Variants in GPC6 observed in about 807,000 individuals in gnomAD.
GPC6 encodes the protein glypican 6.
GPC6 carries 14 observed loss-of-function variants against 55.2 expected under a neutral mutation model. That is an observed-to-expected ratio of 0.25 (90% confidence interval 0.17 to 0.40). GPC6 has a LOEUF of 0.40. Among genes scored for constraint, GPC6 ranks in the 10% least tolerant of loss-of-function variants. The pLI, the probability that GPC6 is intolerant of heterozygous loss-of-function variation, is 1.00. For missense variants in GPC6, 641 were observed against 708.5 expected, an observed-to-expected ratio of 0.90 and a Z score of 1.08; for synonymous variants, 278 against 259.6, an observed-to-expected ratio of 1.07 and a Z score of -0.68.
chr13:93,661,155 A>T (rs930097358), intron 2 of GPC6, among the ~76,000 whole-genome samples: 1 of 152,034 alleles, frequency 6.6e-6, no homozygotes, highest in African/African-American at 2.4e-5. Context: ...TAATAGTGAC[A>T]AGTGTTCTGC....
intron 1 of GPC6, among the ~76,000 whole-genome samples, chr13:93,293,063 G>A (rs1308756770): frequency 6.6e-6 from 1 of 151,918 alleles, no homozygotes; most frequent in Non-Finnish European, 1.5e-5. Context: ...TCATGGCTCA[G>A]CCTTGACCTC....
At chr13:94,359,139 TC>T (rs1669657624) in intron 6 of GPC6, among the ~76,000 whole-genome samples, 1 of 152,194 alleles carries the variant, frequency 6.6e-6, no homozygotes, top group African/African-American at 2.4e-5. Flanking sequence ...TGAGAAACCC[TC>T]TTACCTTTTT....
intron 2 of GPC6, among the ~76,000 whole-genome samples, chr13:93,693,439 ATGTGTGTGTGTGTATGTATATCTGTGTG>A (rs1372073677): frequency 6.7e-6 from 1 of 149,222 alleles, no homozygotes; most frequent in African/African-American, 2.5e-5. Context: ...ATGGAGATAT[ATGTGTGTGTGTGTATGTATATCTGTGTG>A]TGTGTGTGTG....
chr13:93,290,572 A>G (rs1878285816), intron 1 of GPC6, among the ~76,000 whole-genome samples: 1 of 152,162 alleles, frequency 6.6e-6, no homozygotes, highest in Non-Finnish European at 1.5e-5. Context: ...TTTTCAAAGC[A>G]ACATAGATTA....
At chr13:93,544,415 G>C (rs1384312221) in intron 1 of GPC6, among the ~76,000 whole-genome samples, 2 of 152,126 alleles carry the variant, frequency 1.3e-5, no homozygotes, top group African/African-American at 4.8e-5. Flanking sequence ...CAATTTGTTG[G>C]TTTTATTTAG....
chr13:93,239,344 C>G lies in GPC6; in HGVS notation c.160+11728C>G, dbSNP rs1287999387. On this transcript the variant is annotated intron_variant, in intron 1 of 8. Transcript: ENST00000377047. Reference sequence around the variant, plus strand: ...GTTTCCAGAAATTTATTCATTTACTCTAGATTTTCTAGTTTGTGTGCTTAG... The same window carrying G: ...GTTTCCAGAAATTTATTCATTTACTGTAGATTTTCTAGTTTGTGTGCTTAG... Among the ~76,000 whole-genome samples the G allele has an allele frequency of 2.0e-5, 3 of 151,904 alleles. No homozygotes were observed. In the East Asian group the frequency reaches 5.9e-4, roughly 30 times the overall value.
intron 4 of GPC6, among the ~76,000 whole-genome samples, chr13:94,179,031 T>A (rs904475401): frequency 6.6e-6 from 1 of 152,218 alleles, no homozygotes; most frequent in Non-Finnish European, 1.5e-5. Flanking sequence ...ACACGCGGTC[T>A]AGATTTTTAT....
intron 2 of GPC6, among the ~76,000 whole-genome samples, chr13:93,649,228 A>T (rs559346933): frequency 1.3e-5 from 2 of 152,284 alleles, no homozygotes; most frequent in African/African-American, 4.8e-5. Context: ...AGGTGGTCAG[A>T]TTGCTTGAGC....
intron 1 of GPC6, among the ~76,000 whole-genome samples, chr13:93,544,022 A>G (rs1882438991): frequency 6.6e-6 from 1 of 150,964 alleles, no homozygotes; most frequent in South Asian, 2.1e-4. Flanking sequence ...GAGATGATAC[A>G]TCACAGTGAT....
intron 4 of GPC6, among the ~76,000 whole-genome samples, chr13:94,096,982 T>C (rs755976952): frequency 2.6e-5 from 4 of 151,628 alleles, no homozygotes; most frequent in Non-Finnish European, 5.9e-5. Context: ...CAGTGATTCA[T>C]TTGATAAATA....
At chr13:93,857,748 G>C (rs753851097) in intron 3 of GPC6, among the ~76,000 whole-genome samples, 1 of 151,498 alleles carries the variant, frequency 6.6e-6, no homozygotes, top group Admixed American at 6.6e-5. Flanking sequence ...TAGAGAAAGT[G>C]GAATGGGAGA....
chr13:93,222,389 T>C (rs2138989310), upstream of GPC6, among the ~76,000 whole-genome samples: 1 of 152,328 alleles, frequency 6.6e-6, no homozygotes, highest in African/African-American at 2.4e-5. Flanking sequence ...TGGAAAGCAT[T>C]CCTGACTACC....
intron 3 of GPC6, among the ~76,000 whole-genome samples, chr13:93,874,930 A>C (rs1566580621): frequency 6.6e-6 from 1 of 151,616 alleles, no homozygotes. Context: ...AACGTACTTC[A>C]CTCCCTCTAT....
intron 3 of GPC6, among the ~76,000 whole-genome samples, chr13:93,930,396 C>G (rs921335343): frequency 1.1e-4 from 17 of 151,216 alleles, no homozygotes; most frequent in African/African-American, 3.2e-4. Context: ...TTCAGCCTCC[C>G]GAGTAGCTGG....
chr13:93,496,867 C>A (rs8000028), intron 1 of GPC6, among the ~76,000 whole-genome samples: 29,529 of 152,168 alleles, frequency 0.19, 3,050 homozygotes, highest in Middle Eastern at 0.27. Context: ...TATAAATAGT[C>A]TGTGTTAAAC....
At chr13:94,288,775 T>C in intron 5 of GPC6, among the ~76,000 whole-genome samples, 1 of 98,788 alleles carries the variant, frequency 1.0e-5, no homozygotes, top group African/African-American at 4.6e-5. Flanking sequence ...ATATATATAT[T>C]TGTTATATAT....
chr13:93,933,651 G>A (rs895515321), intron 3 of GPC6, among the ~76,000 whole-genome samples: 5 of 152,114 alleles, frequency 3.3e-5, no homozygotes, highest in Admixed American at 6.6e-5. Flanking sequence ...AGAATGGTTG[G>A]CATATATTCA....
At chr13:93,603,758 G>C (rs1315568956) in intron 2 of GPC6, among the ~76,000 whole-genome samples, 1 of 152,170 alleles carries the variant, frequency 6.6e-6, no homozygotes, top group African/African-American at 2.4e-5. Flanking sequence ...CCAACAGATG[G>C]ATAGTCATTC....
chr13:93,288,330 T>C (rs2139076629), intron 1 of GPC6, among the ~76,000 whole-genome samples: 1 of 152,296 alleles, frequency 6.6e-6, no homozygotes, highest in South Asian at 2.1e-4. Flanking sequence ...CTCTCAGTAG[T>C]GTTCTATATC....
Sources: gnomAD v4.1 joint callset for allele counts (sites outside exome capture counted in the v4.1 genomes callset) on GRCh38, gnomAD v4.1.1 for gene constraint, MANE v1.5 for transcripts, NCBI Gene and HGNC (gene_info 2026-07-23, HGNC 2026-07-21) for gene names.